DGKG: variants seen among roughly 807,000 people sequenced by gnomAD.
The protein encoded by DGKG is diacylglycerol kinase gamma.
DGKG carries 78 observed loss-of-function variants against 105.3 expected under a neutral mutation model. The observed-to-expected ratio is 0.74, with a 90% CI of 0.62 to 0.89. The LOEUF is 0.89. DGKG is among the 40% of genes least tolerant of loss of function. The pLI is 0.00. For synonymous variants in DGKG, 346 were observed against 367.1 expected (o/e 0.94, Z 0.66); for missense variants, 958 against 1,020.1 (o/e 0.94, Z 0.83).
intron 20 of DGKG, among the ~76,000 whole-genome samples, chr3:186,216,078 A>T (rs1719277518): frequency 6.6e-6 from 1 of 151,658 alleles, no homozygotes; most frequent in Non-Finnish European, 1.5e-5. Flanking sequence ...GGCTCACTGC[A>T]ACCTCCGCCT....
At chr3:186,295,737 A>G (rs1321385785) in intron 5 of DGKG, among the ~76,000 whole-genome samples, 1 of 150,810 alleles carries the variant, frequency 6.6e-6, no homozygotes, top group East Asian at 2.0e-4. Flanking sequence ...GAGACCTTTC[A>G]TGGGAAGAGG....
intron 13 of DGKG, among the ~76,000 whole-genome samples, chr3:186,265,599 G>A (rs1220022761): frequency 6.6e-6 from 1 of 150,936 alleles, no homozygotes; most frequent in African/African-American, 2.4e-5. Flanking sequence ...GGTTGATTTA[G>A]AAGCTTGAGC....
Position 186,280,697 on chromosome 3 carries a change from C to T in DGKG, c.642G>A (p.Leu214=), listed in dbSNP as rs745946986. The change falls in exon 8 of 25, where the codon CTG becomes CTA. Residue 214 remains leucine, a synonymous_variant. Transcript: ENST00000265022. The part of the protein sequence containing the change: ...VNQMLHIAQY[L]EWDPTELRPI... Reference sequence around the variant, plus strand: ...GCCTCAGCTCTGTGGGATCCCACTCCAGGTACTGGGCAATATGCAGCATTT... The same window carrying T: ...GCCTCAGCTCTGTGGGATCCCACTCTAGGTACTGGGCAATATGCAGCATTT... 7 of 1,614,024 alleles carry T rather than the reference C, an allele frequency of 4.3e-6. No homozygotes were observed. The African/African-American group carries it at 8.0e-5, about 18-fold the overall frequency.
At chr3:186,290,010 G>T (rs899405395) in intron 5 of DGKG, among the ~76,000 whole-genome samples, 3 of 152,194 alleles carry the variant, frequency 2.0e-5, no homozygotes, top group Non-Finnish European at 4.4e-5. Flanking sequence ...TGGACAATAG[G>T]AGAAACCAAA....
At chr3:186,256,416 ACCTTCTAAAGATAT>A (rs1721475493) in intron 17 of DGKG, among the ~76,000 whole-genome samples, 1 of 152,030 alleles carries the variant, frequency 6.6e-6, no homozygotes, top group Admixed American at 6.6e-5. Flanking sequence ...TATTGCCTTC[ACCTTCTAAAGATAT>A]CCAGAAGCTG....
intron 21 of DGKG, among the ~76,000 whole-genome samples, chr3:186,200,131 T>C (rs983569073): frequency 6.6e-6 from 1 of 152,160 alleles, no homozygotes; most frequent in African/African-American, 2.4e-5. Flanking sequence ...TGTGGGTCTA[T>C]AAATCAAGTC....
rs1287046776 is a variant in DGKG, at chr3:186,203,394, G to C, written c.1917+8401C>G. Among the ~76,000 whole-genome samples, 1 of 152,168 alleles carries C rather than the reference G, an allele frequency of 6.6e-6. No individual in the cohort carries two copies. Among genetic ancestry groups the C allele is most frequent in the Non-Finnish European group, 1.5e-5 (1 of 68,024 alleles). On this transcript the variant is annotated intron_variant, in intron 21 of 24. Transcript: ENST00000265022. This position sits in a 1 kb window ranked among gnomAD's most constrained non-coding sequence, Gnocchi z 4.9. Reference sequence around the variant, plus strand: ...TGATTCCTGGTTGGTGGGATTGGGGGTTATTTTCTTTTTTGCCCCTCTGTA... The same window carrying C: ...TGATTCCTGGTTGGTGGGATTGGGGCTTATTTTCTTTTTTGCCCCTCTGTA...
chr3:186,277,663 G>A (rs1722647101), intron 9 of DGKG, among the ~76,000 whole-genome samples: 1 of 152,208 alleles, frequency 6.6e-6, no homozygotes. Flanking sequence ...AGAAGTGCAT[G>A]GACCGTGACT....
intron 1 of DGKG, among the ~76,000 whole-genome samples, chr3:186,350,141 C>A (rs879743055): frequency 6.6e-6 from 1 of 152,108 alleles, no homozygotes; most frequent in Non-Finnish European, 1.5e-5. Context: ...CCATCTGCAT[C>A]GGCCTCCAAA....
At chr3:186,214,439 G>C (rs6782738) in intron 20 of DGKG, among the ~76,000 whole-genome samples, 3,951 of 152,228 alleles carry the variant, frequency 0.026, 140 homozygotes, top group African/African-American at 0.092. Flanking sequence ...TCAGTGTCTT[G>C]AGCTGGCATA....
chr3:186,265,248 T>C lies in DGKG; in HGVS notation c.1268A>G (p.Gln423Arg). 6.2e-7 allele frequency: 1 copy of C among 1,614,178 alleles called. No individual in the cohort carries two copies. The highest frequency in any genetic ancestry group is 8.5e-7 in the Non-Finnish European group (1 of 1,179,964). ...CVSAKGELVMQYKIIPTPGTH... is the reference protein window; with the variant it reads ...CVSAKGELVMRYKIIPTPGTH... ...TCGGATTTAGAGCTCATGAGGTACC[T>C]GCATGACAAGTTCGCCCTTGGCGGA... is the stretch of plus-strand genomic sequence containing the variant. Residue 423 changes from glutamine (Q) to arginine (R), a missense_variant and splice_region_variant, in exon 14 of 25, where the codon CAG becomes CGG. Gln to Arg is a conservative substitution (Grantham distance 43). Transcript: ENST00000265022.
At chr3:186,328,583 T>C (rs541845752) in intron 1 of DGKG, among the ~76,000 whole-genome samples, 1 of 151,688 alleles carries the variant, frequency 6.6e-6, no homozygotes, top group Admixed American at 6.6e-5. Flanking sequence ...TTCTTTTTTT[T>C]TTTTTTTCTT....
chr3:186,347,852 G>A (rs907755515), intron 1 of DGKG, among the ~76,000 whole-genome samples: 1 of 152,046 alleles, frequency 6.6e-6, no homozygotes, highest in African/African-American at 2.4e-5. Context: ...TGAAGCGCTG[G>A]GATTACAGGC....
Position 186,261,750 on chromosome 3 carries a change from TG to T in DGKG, c.1297del (p.His433ThrfsTer7). ...GGGGTTCACCAAGACCAGCAGGGGG[TG>T]GGTACCCGGGGTGGGGATGATCTTA... Reference protein sequence around the residue: ...QYKIIPTPGTHPLLVLVNPKS... With the variant: ...QYKIIPTPGTXPLLVLVNPKS... On this transcript the variant is annotated frameshift_variant, in exon 15 of 25. Transcript: ENST00000265022. LOFTEE classifies it high-confidence loss of function. 6.2e-7 allele frequency: 1 copy of T among 1,604,988 alleles called. No homozygotes were observed. Among genetic ancestry groups the T allele is most frequent in the South Asian group, 1.1e-5 (1 of 89,432 alleles).
chr3:186,352,581 C>T (rs1726685701), intron 1 of DGKG, among the ~76,000 whole-genome samples: 1 of 152,204 alleles, frequency 6.6e-6, no homozygotes, highest in Non-Finnish European at 1.5e-5. Context: ...CCCACACCTG[C>T]TCCTGTTCCT....
chr3:186,295,356 G>T (rs1352293880), intron 5 of DGKG, among the ~76,000 whole-genome samples: 1 of 151,942 alleles, frequency 6.6e-6, no homozygotes, highest in Non-Finnish European at 1.5e-5. Context: ...CCAAGAATTA[G>T]CCGGGTGTGG....
chr3:186,215,412 CAA>C (rs71632094), intron 20 of DGKG, among the ~76,000 whole-genome samples: 42 of 73,354 alleles, frequency 5.7e-4, no homozygotes, highest in African/African-American at 1.0e-3. Context: ...CCCCCATCTC[CAA>C]AAAAAAAAAA....
chr3:186,295,639 A>G (rs992915856), intron 5 of DGKG, among the ~76,000 whole-genome samples: 1 of 26,158 alleles, frequency 3.8e-5, no homozygotes, highest in Non-Finnish European at 1.0e-4. Flanking sequence ...AATGCACAGT[A>G]AAAAAAAAAA....
At chr3:186,307,064 A>G (rs750702819) in intron 2 of DGKG, 87 bp from the exon 3 acceptor site, 15 of 892,564 alleles carry the variant, frequency 1.7e-5, no homozygotes, top group Non-Finnish European at 2.6e-5. Flanking sequence ...AACCATGTTT[A>G]TGTTGGAGCT....
Sources: gnomAD v4.1 joint callset for allele counts (sites outside exome capture counted in the v4.1 genomes callset) on GRCh38, gnomAD v4.1.1 for gene constraint, Gnocchi (gnomAD v3.1) non-coding constraint, MANE v1.5 for transcripts, NCBI Gene and HGNC (gene_info 2026-07-23, HGNC 2026-07-21) for gene names.